The following LARGE1 variants were observed in gnomAD, a reference collection of about 807,000 sequenced individuals.
LARGE1 encodes the protein xylosyl- and glucuronyltransferase LARGE1.
Under a neutral mutation model 87.6 loss-of-function variants are expected in LARGE1, and 43 were observed. The observed-to-expected ratio is 0.49, with a 90% CI of 0.38 to 0.63. The LOEUF (loss-of-function observed/expected upper bound fraction) is 0.63. Among genes scored for constraint, LARGE1 ranks in the 30% least tolerant of loss-of-function variants. The pLI is 0.00. For synonymous variants in LARGE1, 434 were observed against 394.6 expected (o/e 1.10, Z -1.18); for missense variants, 802 against 1,000.2 (o/e 0.80, Z 2.67).
chr22:33,411,764 A>C (rs573755382), intron 7 of LARGE1, among the ~76,000 whole-genome samples: 3 of 152,330 alleles, frequency 2.0e-5, no homozygotes, highest in African/African-American at 7.2e-5. Context: ...AATGGAATAA[A>C]CGAATTATAG....
At chr22:33,160,791 G>A (rs1921997824), downstream of LARGE1, among the ~76,000 whole-genome samples, 1 of 152,222 alleles carries the variant, frequency 6.6e-6, no homozygotes, top group African/African-American at 2.4e-5. Context: ...AAGCTTCACA[G>A]CTGGCTGACA....
intron 10 of LARGE1, among the ~76,000 whole-genome samples, chr22:33,326,856 G>A (rs1174345332): frequency 1.3e-5 from 2 of 152,212 alleles, no homozygotes; most frequent in Non-Finnish European, 2.9e-5. Context: ...CAGGCCACAA[G>A]GGGAAACCGT....
intron 11 of LARGE1, among the ~76,000 whole-genome samples, chr22:33,250,494 T>C (rs1486236294): frequency 2.0e-5 from 3 of 152,200 alleles, no homozygotes; most frequent in African/African-American, 4.8e-5. Context: ...TCTTTCTCAA[T>C]ATGTGTACTC....
intron 1 of LARGE1, among the ~76,000 whole-genome samples, chr22:33,766,228 G>C (rs1358513587): frequency 6.6e-6 from 1 of 152,106 alleles, no homozygotes; most frequent in Non-Finnish European, 1.5e-5. Flanking sequence ...GTGTGAGGGA[G>C]GCCTCCCCAC....
At chr22:33,863,757 G>A (rs1383271775) in intron 1 of LARGE1, among the ~76,000 whole-genome samples, 2 of 145,006 alleles carry the variant, frequency 1.4e-5, no homozygotes, top group African/African-American at 5.2e-5. Context: ...GACAGAGCGA[G>A]ACTCTGTCTC....
At chr22:33,839,459 C>A (rs999826494) in intron 1 of LARGE1, among the ~76,000 whole-genome samples, 1 of 152,200 alleles carries the variant, frequency 6.6e-6, no homozygotes, top group Non-Finnish European at 1.5e-5. Flanking sequence ...CAAACCATAT[C>A]AGCGAGAAAA....
intron 6 of LARGE1, among the ~76,000 whole-genome samples, chr22:33,561,050 G>A (rs867355386): frequency 3.9e-5 from 6 of 152,194 alleles, no homozygotes; most frequent in Admixed American, 6.5e-5. Context: ...TCCTGACCTC[G>A]TGATCTGCCG....
intron 7 of LARGE1, among the ~76,000 whole-genome samples, chr22:33,418,913 A>G (rs930260175): frequency 1.3e-5 from 2 of 152,186 alleles, no homozygotes; most frequent in Non-Finnish European, 2.9e-5. Context: ...CGAGTCAGAG[A>G]GTCCAGAGGG....
intron 1 of LARGE1, among the ~76,000 whole-genome samples, chr22:33,888,263 A>G (rs1421627353): frequency 6.7e-6 from 1 of 149,806 alleles, no homozygotes. Context: ...TTAAAAAACG[A>G]AAAAAAAAAG....
intron 7 of LARGE1, among the ~76,000 whole-genome samples, chr22:33,394,204 T>C (rs1268729273): frequency 5.3e-5 from 8 of 150,374 alleles, no homozygotes; most frequent in African/African-American, 4.9e-5. Flanking sequence ...GATTCTTTTT[T>C]TTTTTTTTTT....
intron 1 of LARGE1, among the ~76,000 whole-genome samples, chr22:33,797,606 T>C (rs2086027410): frequency 6.6e-6 from 1 of 152,190 alleles, no homozygotes; most frequent in South Asian, 2.1e-4. Context: ...AGGAGACAAG[T>C]GACAGCCCTG....
intron 2 of LARGE1, among the ~76,000 whole-genome samples, chr22:33,688,354 A>AT (rs1569372527): frequency 6.6e-6 from 1 of 151,844 alleles, no homozygotes; most frequent in Admixed American, 6.6e-5. Context: ...TGCACTGTTT[A>AT]TTTTTTCTTT....
intron 12 of LARGE1, among the ~76,000 whole-genome samples, chr22:33,294,595 C>T (rs552486212): frequency 6.6e-6 from 1 of 152,318 alleles, no homozygotes; most frequent in African/African-American, 2.4e-5. Flanking sequence ...TCCCCACCTC[C>T]ATGGGCCTTG....
chr22:33,719,776 T>C (rs2083037370), intron 2 of LARGE1, among the ~76,000 whole-genome samples: 2 of 152,124 alleles, frequency 1.3e-5, no homozygotes. Context: ...CGCCTTGGCC[T>C]CCCAAAGTAC....
chr22:33,724,450 C>A (rs73170550), intron 2 of LARGE1, among the ~76,000 whole-genome samples: 5,327 of 152,094 alleles, frequency 0.035, 113 homozygotes, highest in African/African-American at 0.053. Context: ...AGTGGGAATC[C>A]CTGGCTCTCA....
At chr22:33,413,431 T>C (rs886249256) in intron 7 of LARGE1, among the ~76,000 whole-genome samples, 7 of 152,054 alleles carry the variant, frequency 4.6e-5, no homozygotes, top group South Asian at 2.1e-4. Context: ...CACTCTGACA[T>C]AGGCATCATT....
In LARGE1 at chr22:33,825,866, A is replaced by G. The variant is rs923212676; in HGVS notation, c.-82-64308T>C. ...TCCCCAGCTGCAATTAATAAAACAA[A>G]ACAGCAGGTGTGGATGTGGGAAGGC... is the stretch of plus-strand genomic sequence containing the variant. On this transcript the variant is annotated intron_variant, in intron 1 of 14. Transcript: ENST00000397394. Among the ~76,000 whole-genome samples the G allele has an allele frequency of 2.0e-5, 3 of 151,966 alleles. No individual in the cohort carries two copies. In the East Asian group the frequency reaches 5.8e-4, roughly 29 times the overall value.
At chr22:33,085,198 C>A in the LARGE1 span, among the ~76,000 whole-genome samples, 3 of 152,194 alleles carry the variant, frequency 2.0e-5, no homozygotes, top group African/African-American at 7.2e-5. Context: ...ATCACTTGAA[C>A]CCGGGAAGCG....
intron 12 of LARGE1, among the ~76,000 whole-genome samples, chr22:33,301,048 A>C (rs5998860): frequency 0.16 from 23,752 of 151,984 alleles, 4,403 homozygotes; most frequent in African/African-American, 0.45. Context: ...AGTTTCTAGA[A>C]GGGTCTGGGG....
Sources: gnomAD v4.1 joint callset for allele counts (sites outside exome capture counted in the v4.1 genomes callset) on GRCh38, gnomAD v4.1.1 for gene constraint, MANE v1.5 for transcripts, NCBI Gene and HGNC (gene_info 2026-07-23, HGNC 2026-07-21) for gene names.